MGAT4C: variants seen among roughly 807,000 people sequenced by gnomAD.
MGAT4C encodes alpha-1,3-mannosyl-glycoprotein 4-beta-N-acetylglucosaminyltransferase C.
MGAT4C carries 19 observed loss-of-function variants against 40.1 expected under a neutral mutation model. That is an observed-to-expected ratio of 0.47 (90% CI 0.33 to 0.70). The LOEUF (loss-of-function observed/expected upper bound fraction) is 0.70. MGAT4C is among the 30% of genes least tolerant of loss of function. MGAT4C has a pLI of 0.02. For missense variants in MGAT4C, 491 were observed against 563.2 expected, an observed-to-expected ratio of 0.87 and a Z score of 1.30; for synonymous variants, 181 against 187.1, an observed-to-expected ratio of 0.97 and a Z score of 0.27.
intron 2 of MGAT4C, chr12:86,001,648 T>G: frequency 1.0e-6 from 1 of 984,064 alleles, no homozygotes; most frequent in South Asian, 4.7e-5. Context: ...TAGTCCTGTT[T>G]CTTTTTGTAA....
chr12:86,484,099 T>C lies in MGAT4C; in HGVS notation c.-228-48834A>G, dbSNP rs958837308. Among the ~76,000 whole-genome samples, 7 of 151,860 alleles carry C rather than the reference T, an allele frequency of 4.6e-5. No individual in the cohort carries two copies. In the South Asian group the frequency reaches 1.0e-3, roughly 23 times the overall value. ...GTGGACCACTCTCACAGCAGATCTC[T>C]GGGATCCCAGCTACAAGAGATGCCA... On this transcript the variant is annotated intron_variant, in intron 2 of 7. Coordinates refer to the MGAT4C transcript ENST00000548651.
Position 86,506,708 on chromosome 12 carries a change from A to C in MGAT4C, c.-228-71443T>G, listed in dbSNP as rs117138980. The stretch of plus-strand genomic sequence containing the variant: ...AGATATATCTGATTTTTGTGGATCA[A>C]GAAATGCAGAATTAGTCTAGTAGTT... On this transcript the variant is annotated intron_variant, in intron 2 of 7. Transcript: ENST00000548651. Among the ~76,000 whole-genome samples, 68 of 152,316 alleles carry C rather than the reference A, an allele frequency of 4.5e-4. 1 individual carries two copies. In the East Asian group the frequency reaches 0.012, roughly 27 times the overall value.
At chr12:86,528,858 C>T (rs1347577577) in intron 2 of MGAT4C, among the ~76,000 whole-genome samples, 1 of 151,866 alleles carries the variant, frequency 6.6e-6, no homozygotes, top group African/African-American at 2.4e-5. Context: ...GAAGCTATCA[C>T]ATCAAAGTGA....
At chr12:86,585,406 G>A (rs866414197) in intron 2 of MGAT4C, among the ~76,000 whole-genome samples, 5 of 151,234 alleles carry the variant, frequency 3.3e-5, no homozygotes, top group East Asian at 3.9e-4. Context: ...CCTAAATAAC[G>A]TGAAATGTAA....
intron 4 of MGAT4C, among the ~76,000 whole-genome samples, chr12:86,293,303 T>C (rs1592657350): frequency 2.0e-5 from 3 of 152,174 alleles, no homozygotes; most frequent in Admixed American, 2.0e-4. Context: ...ACAGAGTCAA[T>C]AGTGAGTCTC....
At chr12:85,988,154 T>C (rs1885462241) in intron 3 of MGAT4C, among the ~76,000 whole-genome samples, 1 of 152,196 alleles carries the variant, frequency 6.6e-6, no homozygotes, top group African/African-American at 2.4e-5. Context: ...TTTGTTGATT[T>C]CAGCCATTGT....
intron 2 of MGAT4C, among the ~76,000 whole-genome samples, chr12:86,568,360 T>C (rs1960219922): frequency 6.6e-6 from 1 of 152,010 alleles, no homozygotes; most frequent in Non-Finnish European, 1.5e-5. Flanking sequence ...GTTATTCCCC[T>C]TATGCACTCT....
intron 2 of MGAT4C, among the ~76,000 whole-genome samples, chr12:86,012,464 G>A (rs1017619218): frequency 1.3e-5 from 2 of 152,138 alleles, no homozygotes; most frequent in Non-Finnish European, 2.9e-5. Flanking sequence ...GGTGAGGCCA[G>A]GCGCAGTGGC....
chr12:86,168,342 C>A (rs1446267371), intron 1 of MGAT4C, among the ~76,000 whole-genome samples: 2 of 152,084 alleles, frequency 1.3e-5, no homozygotes, highest in African/African-American at 4.8e-5. Flanking sequence ...TGAAACAAAT[C>A]AAGACATGTG....
At chr12:86,382,362 G>A (rs1018232280) in intron 3 of MGAT4C, among the ~76,000 whole-genome samples, 3 of 152,204 alleles carry the variant, frequency 2.0e-5, no homozygotes, top group Non-Finnish European at 2.9e-5. Flanking sequence ...TCTGGCAGAA[G>A]AAATTTCTAA....
intron 2 of MGAT4C, among the ~76,000 whole-genome samples, chr12:86,534,418 C>T (rs1959037195): frequency 6.6e-6 from 1 of 152,066 alleles, no homozygotes; most frequent in Non-Finnish European, 1.5e-5. Flanking sequence ...TGATTGATGT[C>T]TGCCTGTAAC....
chr12:86,803,115 C>T (rs1240088806), intron 1 of MGAT4C, among the ~76,000 whole-genome samples: 7 of 147,108 alleles, frequency 4.8e-5, no homozygotes, highest in East Asian at 2.0e-4. Context: ...ATGCCGCATA[C>T]CTACAACTAT....
intron 1 of MGAT4C, among the ~76,000 whole-genome samples, chr12:86,809,577 C>T (rs1047343606): frequency 2.0e-5 from 3 of 151,880 alleles, no homozygotes; most frequent in Admixed American, 1.3e-4. Flanking sequence ...AATTTATTTG[C>T]CATTCTGCTG....
intron 2 of MGAT4C, among the ~76,000 whole-genome samples, chr12:86,698,302 C>A (rs1260280393): frequency 6.6e-6 from 1 of 151,806 alleles, no homozygotes; most frequent in African/African-American, 2.4e-5. Context: ...AAATACTCAG[C>A]CTTTCTCATC....
intron 1 of MGAT4C, among the ~76,000 whole-genome samples, chr12:86,119,223 A>G (rs1381955488): frequency 6.6e-6 from 1 of 152,098 alleles, no homozygotes; most frequent in African/African-American, 2.4e-5. Context: ...ATATCAGTAT[A>G]TATTTATATA....
chr12:86,072,672 CAG>C (rs1039752047), intron 1 of MGAT4C, among the ~76,000 whole-genome samples: 2 of 151,960 alleles, frequency 1.3e-5, no homozygotes, highest in African/African-American at 4.8e-5. Context: ...GAGAGCGAAA[CAG>C]AGTGGAGGAG....
intron 2 of MGAT4C, among the ~76,000 whole-genome samples, chr12:86,440,177 CA>C (rs1308031464): frequency 6.6e-6 from 1 of 151,802 alleles, no homozygotes; most frequent in Non-Finnish European, 1.5e-5. Context: ...AAAACAACAA[CA>C]AAAATACTAC....
At chr12:86,139,517 C>T (rs760926238) in intron 1 of MGAT4C, among the ~76,000 whole-genome samples, 9 of 151,654 alleles carry the variant, frequency 5.9e-5, no homozygotes, top group Admixed American at 2.0e-4. Context: ...AAAATTTTCA[C>T]GGATGTATAA....
chr12:86,429,261 G>A lies in MGAT4C; in HGVS notation c.-120+5896C>T, dbSNP rs1366604269. Among the ~76,000 whole-genome samples the A allele has an allele frequency of 3.9e-5, 6 of 151,986 alleles. No individual in the cohort carries two copies. The South Asian group carries it at 1.0e-3, about 26-fold the overall frequency. On this transcript the variant is annotated intron_variant, in intron 3 of 7. Coordinates refer to the MGAT4C transcript ENST00000548651. ...CATGTTGCTTAATTTCCATATATTT[G>A]TGAATTTTCTAAAATTGCTACTGTT...
Sources: allele counts gnomAD v4.1 joint callset (sites outside exome capture counted in the v4.1 genomes callset), GRCh38; gene constraint gnomAD v4.1.1; transcripts MANE v1.5; gene names NCBI Gene and HGNC (gene_info 2026-07-23, HGNC 2026-07-21).